The following IQCM variants were observed in gnomAD, a reference collection of about 807,000 sequenced individuals.
IQCM encodes IQ domain-containing protein M.
IQCM carries 45 observed loss-of-function variants against 57.6 expected under a neutral mutation model. That is an observed-to-expected ratio of 0.78 (90% CI 0.62 to 1.00). IQCM has a LOEUF of 1.00. Ranked by LOEUF, IQCM falls within the 50% of genes least tolerant of loss-of-function variation. IQCM has a pLI of 0.00. For missense variants in IQCM, 468 were observed against 511.6 expected, an observed-to-expected ratio of 0.91 and a Z score of 0.82; for synonymous variants, 148 against 158.9, an observed-to-expected ratio of 0.93 and a Z score of 0.51.
intron 2 of IQCM, among the ~76,000 whole-genome samples, chr4:149,759,981 C>T (rs1561242801): frequency 6.7e-6 from 1 of 148,174 alleles, no homozygotes; most frequent in Non-Finnish European, 1.5e-5. Flanking sequence ...TAAATATTAA[C>T]AAAATGTATA....
chr4:149,546,718 T>C (rs1318130909), intron 12 of IQCM, among the ~76,000 whole-genome samples: 1 of 152,234 alleles, frequency 6.6e-6, no homozygotes, highest in East Asian at 1.9e-4. Flanking sequence ...TTCTGGATAT[T>C]AGCCCTTTGT....
chr4:149,591,617 G>C (rs767560372), intron 8 of IQCM, among the ~76,000 whole-genome samples: 71 of 151,452 alleles, frequency 4.7e-4, no homozygotes, highest in Admixed American at 1.1e-3. Flanking sequence ...CCCACCCCAC[G>C]ACAGGCCCCG....
intron 2 of IQCM, among the ~76,000 whole-genome samples, chr4:149,772,463 ATAAT>A (rs1770679283): frequency 6.6e-6 from 1 of 152,174 alleles, no homozygotes; most frequent in African/African-American, 2.4e-5. Context: ...ATGGTTATGG[ATAAT>A]TATTATGGGT....
intron 6 of IQCM, among the ~76,000 whole-genome samples, chr4:149,686,174 C>T (rs1403994383): frequency 1.3e-5 from 2 of 151,380 alleles, no homozygotes; most frequent in African/African-American, 4.8e-5. Flanking sequence ...ACTACTCAGA[C>T]ATCCTCCAGT....
intron 12 of IQCM, among the ~76,000 whole-genome samples, chr4:149,476,399 C>A (rs1354471659): frequency 6.6e-6 from 1 of 152,188 alleles, no homozygotes; most frequent in South Asian, 2.1e-4. Context: ...ATTTGTATTA[C>A]AATATGAAAT....
At chr4:149,748,192 G>A (rs572163471) in intron 2 of IQCM, among the ~76,000 whole-genome samples, 5 of 152,162 alleles carry the variant, frequency 3.3e-5, no homozygotes, top group African/African-American at 7.2e-5. Context: ...CATCACTCCC[G>A]ACTACCTCCC....
Position 149,652,637 on chromosome 4 carries a change from A to G in IQCM, c.565+29481T>C, listed in dbSNP as rs562881874. Among the ~76,000 whole-genome samples the G allele has an allele frequency of 1.5e-4, 23 of 152,218 alleles. No homozygotes were observed. In the East Asian group the frequency reaches 4.1e-3, roughly 27 times the overall value. On this transcript the variant is annotated intron_variant, in intron 7 of 13. Coordinates refer to ENST00000636793, the MANE Select transcript of IQCM (RefSeq NM_001363507.2). ...ACAGTTCAATAAAGTAGCAAAGAAA[A>G]AAAAACATCATTTCCAGAAATGAAG...
chr4:149,740,110 T>C (rs529484880), intron 3 of IQCM, among the ~76,000 whole-genome samples: 5 of 152,330 alleles, frequency 3.3e-5, no homozygotes, highest in Admixed American at 1.3e-4. Context: ...CTGGCCATAC[T>C]CAGAGGGTTT....
At chr4:149,754,319 G>T (rs536339470) in intron 2 of IQCM, among the ~76,000 whole-genome samples, 1 of 152,036 alleles carries the variant, frequency 6.6e-6, no homozygotes, top group South Asian at 2.1e-4. Context: ...GCCCCTCCCC[G>T]CCCCGGGGAG....
intron 8 of IQCM, among the ~76,000 whole-genome samples, chr4:149,598,768 T>A (rs911023788): frequency 6.6e-6 from 1 of 152,186 alleles, no homozygotes; most frequent in Non-Finnish European, 1.5e-5. Context: ...TATGAAGCAA[T>A]GGAGACTCTC....
At chr4:149,365,185 G>A (rs1330488672) in intron 13 of IQCM, among the ~76,000 whole-genome samples, 2 of 152,124 alleles carry the variant, frequency 1.3e-5, no homozygotes, top group South Asian at 2.1e-4. Context: ...AATACAAGAC[G>A]TGCCTGCAGA....
At chr4:149,412,066 T>TG (rs1733425754) in intron 13 of IQCM, among the ~76,000 whole-genome samples, 1 of 148,730 alleles carries the variant, frequency 6.7e-6, no homozygotes, top group South Asian at 2.2e-4. Flanking sequence ...GTGTGTGTGT[T>TG]TGTGTGTGTG....
At chr4:149,423,159 G>A (rs916920632) in intron 13 of IQCM, among the ~76,000 whole-genome samples, 2 of 152,036 alleles carry the variant, frequency 1.3e-5, no homozygotes, top group Non-Finnish European at 2.9e-5. Context: ...AATTTATAAA[G>A]GAAAGAGGTT....
At chr4:149,610,275 C>T (rs116344757) in intron 8 of IQCM, among the ~76,000 whole-genome samples, 3,312 of 152,028 alleles carry the variant, frequency 0.022, 54 homozygotes, top group Middle Eastern at 0.054. Flanking sequence ...TTGGAAGAAT[C>T]AATTTTGTTA....
intron 9 of IQCM, among the ~76,000 whole-genome samples, chr4:149,566,394 T>C (rs1399905650): frequency 6.6e-6 from 1 of 152,180 alleles, no homozygotes; most frequent in African/African-American, 2.4e-5. Context: ...TAATGTGTAC[T>C]ATTGAAGTGA....
At chr4:149,468,079 G>A (rs556911269) in intron 12 of IQCM, among the ~76,000 whole-genome samples, 22 of 152,306 alleles carry the variant, frequency 1.4e-4, no homozygotes, top group Middle Eastern at 3.4e-3. Context: ...CGTGAGTGAC[G>A]CAGAAGATGG....
chr4:149,648,056 T>C (rs1016225067), intron 7 of IQCM, among the ~76,000 whole-genome samples: 2 of 152,224 alleles, frequency 1.3e-5, no homozygotes, highest in African/African-American at 4.8e-5. Context: ...CTAGAATTTC[T>C]GCTGTTCTAT....
intron 9 of IQCM, among the ~76,000 whole-genome samples, chr4:149,578,298 C>T (rs1392813214): frequency 2.6e-5 from 4 of 151,720 alleles, no homozygotes; most frequent in Non-Finnish European, 5.9e-5. Context: ...TTAGGGAACT[C>T]TCTTTAACCT....
intron 8 of IQCM, among the ~76,000 whole-genome samples, chr4:149,592,457 T>C (rs1054148013): frequency 9.2e-5 from 14 of 152,098 alleles, no homozygotes; most frequent in Non-Finnish European, 1.6e-4. Context: ...AGCTCTTTAG[T>C]TTAATTAGAT....
Sources: allele counts gnomAD v4.1 joint callset (sites outside exome capture counted in the v4.1 genomes callset), GRCh38; gene constraint gnomAD v4.1.1; transcripts MANE v1.5; gene names NCBI Gene and HGNC (gene_info 2026-07-23, HGNC 2026-07-21).